B3GLCT: variants seen among roughly 807,000 people sequenced by gnomAD.
B3GLCT encodes the protein beta-1,3-glucosyltransferase.
Under a neutral mutation model 63.4 loss-of-function variants are expected in B3GLCT, and 65 were observed. That is an observed-to-expected ratio of 1.03 (90% CI 0.84 to 1.26). The LOEUF is 1.26. Among genes scored for constraint, B3GLCT ranks in the 50% most tolerant of loss-of-function variants. B3GLCT has a pLI of 0.00. For missense variants in B3GLCT, 577 were observed against 604.8 expected, an observed-to-expected ratio of 0.95 and a Z score of 0.48; for synonymous variants, 233 against 219.2, an observed-to-expected ratio of 1.06 and a Z score of -0.55.
intron 4 of B3GLCT, among the ~76,000 whole-genome samples, chr13:31,241,637 G>A (rs1593267389): frequency 6.6e-6 from 1 of 152,194 alleles, no homozygotes; most frequent in Non-Finnish European, 1.5e-5. Context: ...GAGAACATAG[G>A]CAAGGAAAGC....
intron 1 of B3GLCT, among the ~76,000 whole-genome samples, chr13:31,212,267 C>CTTTTT (rs59719685): frequency 1.1e-5 from 1 of 91,638 alleles, no homozygotes; most frequent in Non-Finnish European, 2.0e-5. Flanking sequence ...GCATAACTGG[C>CTTTTT]TTTTTTTTTT....
intron 12 of B3GLCT, chr13:31,311,169 G>C (rs1248720497): frequency 2.6e-5 from 4 of 152,178 alleles, no homozygotes; most frequent in Non-Finnish European, 5.9e-5. Flanking sequence ...TATAATAAAA[G>C]ACTAACAAGG....
intron 10 of B3GLCT, 77 bp from the exon 11 acceptor site, chr13:31,284,571 G>A (rs111865672): frequency 3.6e-6 from 3 of 823,364 alleles, no homozygotes; most frequent in Non-Finnish European, 6.4e-6. Flanking sequence ...CTTTGTAGAT[G>A]ATTATACTGC....
chr13:31,248,978 G>A (rs1467363938), intron 6 of B3GLCT, among the ~76,000 whole-genome samples: 1 of 152,176 alleles, frequency 6.6e-6, no homozygotes, highest in Non-Finnish European at 1.5e-5. Flanking sequence ...GTTACAACCT[G>A]ATCACTTTTT....
At position 31,329,959 on chromosome 13, in the gene B3GLCT, T is replaced by A; in HGVS notation, c.*291T>A. On this transcript the variant is annotated 3_prime_UTR_variant, in exon 15 of 15. Coordinates refer to ENST00000343307, the MANE Select transcript of B3GLCT (RefSeq NM_194318.4). ...GTGATACAGCAGTTTTTTTTTATTG[T>A]CACAGGGAAATAAATGGTACCAGAA... 2.5e-6 allele frequency: 1 copy of A among 405,938 alleles called. No homozygotes were observed. Among genetic ancestry groups the A allele is most frequent in the Non-Finnish European group, 4.6e-6 (1 of 218,328 alleles). The allele number at this position is 405,938 out of a possible 1,614,324, so 25.1% of individuals were successfully genotyped here.
chr13:31,287,964 A>G (rs1258659527), intron 12 of B3GLCT, among the ~76,000 whole-genome samples: 2 of 152,266 alleles, frequency 1.3e-5, no homozygotes, highest in African/African-American at 4.8e-5. Context: ...CACAAAGATA[A>G]AAAATAATTT....
In B3GLCT at chr13:31,215,074, A is replaced by G. The variant is rs1382260714; in HGVS notation, c.94A>G (p.Thr32Ala). ...AGCTTTTGGTTTGGCTTCTGAAGATACAAAGAAAGAGGTCAAGCAGTCTCA... is the reference window on the plus strand; with the variant it reads ...AGCTTTTGGTTTGGCTTCTGAAGATGCAAAGAAAGAGGTCAAGCAGTCTCA... ...SLAFGLASEDTKKEVKQSQDL... is the reference protein window; with the variant it reads ...SLAFGLASEDAKKEVKQSQDL... The change falls in exon 2 of 15, where the codon ACA becomes GCA. Residue 32 changes from threonine to alanine, a missense_variant. Transcript: ENST00000343307. 1.2e-6 allele frequency: 2 copies of G among 1,610,628 alleles called. No homozygotes were observed. The highest frequency in any genetic ancestry group is 2.2e-5 in the South Asian group (2 of 90,628).
At chr13:31,238,839 T>C (rs1380007800) in intron 4 of B3GLCT, among the ~76,000 whole-genome samples, 1 of 152,210 alleles carries the variant, frequency 6.6e-6, no homozygotes, top group Non-Finnish European at 1.5e-5. Context: ...TAGTCATTTT[T>C]GAATGCAAAA....
chr13:31,294,095 G>A (rs1055061232), intron 12 of B3GLCT, among the ~76,000 whole-genome samples: 1 of 152,108 alleles, frequency 6.6e-6, no homozygotes, highest in Non-Finnish European at 1.5e-5. Flanking sequence ...TGAAATTCTG[G>A]GTTGAAAATT....
At chr13:31,255,323 C>T (rs1371014323) in intron 6 of B3GLCT, among the ~76,000 whole-genome samples, 2 of 152,150 alleles carry the variant, frequency 1.3e-5, no homozygotes, top group Non-Finnish European at 2.9e-5. Flanking sequence ...AATGGAAAAA[C>T]ATTCCATGCT....
chr13:31,262,793 G>A (rs1211080402), intron 7 of B3GLCT, among the ~76,000 whole-genome samples: 1 of 152,182 alleles, frequency 6.6e-6, no homozygotes, highest in Non-Finnish European at 1.5e-5. Context: ...TCTCATCCTC[G>A]GCCACAGGAG....
At chr13:31,322,782 G>GA (rs1293895196) in intron 13 of B3GLCT, among the ~76,000 whole-genome samples, 4 of 151,838 alleles carry the variant, frequency 2.6e-5, no homozygotes, top group Admixed American at 1.3e-4. Flanking sequence ...GCTGACAAAA[G>GA]AAAAAAAGCA....
chr13:31,274,366 C>A, intron 8 of B3GLCT, 143 bp from the exon 9 acceptor site: 1 of 1,010,462 alleles, frequency 9.9e-7, no homozygotes, highest in Non-Finnish European at 1.5e-6. Context: ...TTTAGGAAGT[C>A]CTGTTGAATA....
chr13:31,245,563 G>A (rs146614172), intron 4 of B3GLCT, among the ~76,000 whole-genome samples: 42 of 151,958 alleles, frequency 2.8e-4, no homozygotes, highest in African/African-American at 8.9e-4. Flanking sequence ...AGACATTTCC[G>A]TTGTTATAAA....
At chr13:31,292,027 G>A (rs1260952618) in intron 12 of B3GLCT, among the ~76,000 whole-genome samples, 3 of 152,128 alleles carry the variant, frequency 2.0e-5, no homozygotes, top group Non-Finnish European at 4.4e-5. Flanking sequence ...AGCATGAAGG[G>A]GTGTTGAATT....
At chr13:31,218,972 T>C (rs1041585453) in intron 2 of B3GLCT, among the ~76,000 whole-genome samples, 22 of 152,052 alleles carry the variant, frequency 1.4e-4, no homozygotes, top group African/African-American at 5.1e-4. Context: ...ATGTGGTTTT[T>C]GAAAAAGCCC....
intron 3 of B3GLCT, among the ~76,000 whole-genome samples, chr13:31,228,111 T>G (rs963559627): frequency 5.3e-5 from 8 of 152,172 alleles, no homozygotes; most frequent in African/African-American, 1.9e-4. Context: ...CTGGCTGCCT[T>G]CAGGTGCATC....
In B3GLCT at chr13:31,247,981, A is replaced by G. The variant is rs1395011290; in HGVS notation, c.459+15A>G. The G allele has an allele frequency of 7.5e-7, 1 of 1,336,178 alleles. No homozygotes were observed. The highest frequency in any genetic ancestry group is 1.1e-6 in the Non-Finnish European group (1 of 927,434). 82.8% of individuals were successfully genotyped at this position (1,336,178 alleles called of 1,614,324 possible). A position where few individuals can be genotyped will look rare whatever the true frequency, so the allele number is the denominator to read the frequency against. On this transcript the variant is annotated intron_variant, in intron 6 of 14. Coordinates refer to ENST00000343307, the MANE Select transcript of B3GLCT (RefSeq NM_194318.4). ...ACCCCTCTAAGGTGAATATAACTTC[A>G]ATACCAGTTCTTATTTTGGGGGACA... is the stretch of plus-strand genomic sequence containing the variant.
intron 3 of B3GLCT, among the ~76,000 whole-genome samples, chr13:31,224,680 A>C (rs1221706862): frequency 1.3e-5 from 2 of 152,104 alleles, no homozygotes; most frequent in Non-Finnish European, 2.9e-5. Context: ...GTATATGATT[A>C]TTCTCACCAA....
Sources: gnomAD v4.1 joint callset for allele counts (sites outside exome capture counted in the v4.1 genomes callset) on GRCh38, gnomAD v4.1.1 for gene constraint, MANE v1.5 for transcripts, NCBI Gene and HGNC (gene_info 2026-07-23, HGNC 2026-07-21) for gene names.